TAFA2: variants seen among roughly 807,000 people sequenced by gnomAD.
TAFA2 encodes TAFA chemokine like family member 2.
In TAFA2, 7 loss-of-function variants were observed where a neutral mutation model predicts 18.8. The ratio of observed to expected loss-of-function variants is 0.37; its 90% CI spans 0.21 to 0.70. The LOEUF (loss-of-function observed/expected upper bound fraction) is 0.70. Ranked by LOEUF, TAFA2 falls within the 30% of genes least tolerant of loss-of-function variation. The pLI is 0.53. For synonymous variants in TAFA2, 60 were observed against 54.2 expected, an observed-to-expected ratio of 1.11 and a Z score of -0.47; for missense variants, 122 against 158.1, an observed-to-expected ratio of 0.77 and a Z score of 1.23.
chr12:62,239,599 G>C (rs1480457399), intron 1 of TAFA2, among the ~76,000 whole-genome samples: 1 of 152,120 alleles, frequency 6.6e-6, no homozygotes, highest in Non-Finnish European at 1.5e-5. Context: ...CTTCTACCTT[G>C]TTTTCTTGGG....
chr12:61,992,838 A>G (rs1009454899), intron 1 of TAFA2, among the ~76,000 whole-genome samples: 2 of 152,198 alleles, frequency 1.3e-5, no homozygotes, highest in Non-Finnish European at 2.9e-5. Flanking sequence ...AAATCAAGAA[A>G]AATGCCTTGT....
chr12:62,072,523 G>A (rs1450221869), intron 1 of TAFA2, among the ~76,000 whole-genome samples: 1 of 152,024 alleles, frequency 6.6e-6, no homozygotes, highest in Non-Finnish European at 1.5e-5. Context: ...TCTCATGCCT[G>A]TAATTCCAGC....
At chr12:61,782,623 C>T (rs933824877) in intron 2 of TAFA2, among the ~76,000 whole-genome samples, 1 of 151,732 alleles carries the variant, frequency 6.6e-6, no homozygotes, top group Non-Finnish European at 1.5e-5. Context: ...CCATTGTTCA[C>T]TCATAATTGT....
intron 2 of TAFA2, among the ~76,000 whole-genome samples, chr12:61,791,231 A>T (rs1870965355): frequency 6.6e-6 from 1 of 151,944 alleles, no homozygotes; most frequent in African/African-American, 2.4e-5. Context: ...CTTAAATATG[A>T]GACCTGAAAC....
At chr12:62,084,605 G>T (rs348676) in intron 1 of TAFA2, among the ~76,000 whole-genome samples, 1 of 151,940 alleles carries the variant, frequency 6.6e-6, no homozygotes, top group Non-Finnish European at 1.5e-5. Flanking sequence ...GCTCATTCAC[G>T]TCTGCTGATT....
At chr12:62,257,155 CAT>C (rs1442658711) in intron 1 of TAFA2, among the ~76,000 whole-genome samples, 1 of 2,500 alleles carries the variant, frequency 4.0e-4, no homozygotes, top group Non-Finnish European at 8.9e-4. Flanking sequence ...TATATATATA[CAT>C]ATATATGTGT....
chr12:61,984,578 G>T (rs886093457), intron 1 of TAFA2, among the ~76,000 whole-genome samples: 2 of 152,152 alleles, frequency 1.3e-5, no homozygotes, highest in African/African-American at 4.8e-5. Context: ...AAAAGAGGAG[G>T]TAGCCATGAG....
At chr12:61,726,250 TTTTTC>T (rs1024178482) in intron 4 of TAFA2, among the ~76,000 whole-genome samples, 3 of 151,922 alleles carry the variant, frequency 2.0e-5, no homozygotes, top group Non-Finnish European at 2.9e-5. Flanking sequence ...TTTTAGGATT[TTTTTC>T]TTCTAGTTAT....
intron 4 of TAFA2, among the ~76,000 whole-genome samples, chr12:61,719,873 T>A (rs915583161): frequency 1.3e-5 from 2 of 152,196 alleles, no homozygotes; most frequent in African/African-American, 4.8e-5. Flanking sequence ...GAGCATTCTC[T>A]CCGCTCCATC....
At chr12:62,247,542 G>A (rs769688914) in intron 1 of TAFA2, among the ~76,000 whole-genome samples, 1 of 152,064 alleles carries the variant, frequency 6.6e-6, no homozygotes, top group African/African-American at 2.4e-5. Flanking sequence ...GTACAAAACC[G>A]CATTTTTTTA....
intron 1 of TAFA2, among the ~76,000 whole-genome samples, chr12:61,911,846 G>A (rs1031834632): frequency 9.2e-5 from 14 of 152,172 alleles, no homozygotes; most frequent in East Asian, 1.9e-4. Context: ...GATGAAGGAA[G>A]TGAGCAATCA....
chr12:61,814,865 C>T (rs556573197), intron 2 of TAFA2, among the ~76,000 whole-genome samples: 1 of 151,472 alleles, frequency 6.6e-6, no homozygotes, highest in South Asian at 2.1e-4. Flanking sequence ...AAGCCACAAG[C>T]CAAGTAATGT....
At chr12:62,163,404 T>C (rs2062418899) in intron 1 of TAFA2, among the ~76,000 whole-genome samples, 2 of 152,160 alleles carry the variant, frequency 1.3e-5, no homozygotes, top group Admixed American at 1.3e-4. Context: ...TTTATCTCCA[T>C]AACAGCTAAC....
At chr12:61,751,027 T>C (rs1868988044) in intron 4 of TAFA2, among the ~76,000 whole-genome samples, 2 of 152,100 alleles carry the variant, frequency 1.3e-5, no homozygotes, top group Admixed American at 1.3e-4. Flanking sequence ...ATGATTAAAA[T>C]AATGACTCAA....
chr12:61,895,634 T>G (rs1253052215), intron 1 of TAFA2, among the ~76,000 whole-genome samples: 1 of 152,144 alleles, frequency 6.6e-6, no homozygotes, highest in African/African-American at 2.4e-5. Flanking sequence ...CCTTAACAGT[T>G]CAGATGTTTG....
chr12:61,725,130 A>G (rs940972206), intron 4 of TAFA2, among the ~76,000 whole-genome samples: 3 of 151,440 alleles, frequency 2.0e-5, no homozygotes, highest in African/African-American at 7.3e-5. Context: ...CCACTTTTTG[A>G]TGGGATTATT....
At chr12:61,879,395 C>T (rs1304273518) in intron 1 of TAFA2, 10 of 739,826 alleles carry the variant, frequency 1.4e-5, no homozygotes, top group East Asian at 8.9e-5. Flanking sequence ...GCTTCCTACA[C>T]GAGTGGTCCC....
chr12:61,854,916 T>A (rs1873821354), intron 2 of TAFA2, among the ~76,000 whole-genome samples: 3 of 152,138 alleles, frequency 2.0e-5, no homozygotes, highest in Non-Finnish European at 4.4e-5. Flanking sequence ...TGTATCATCA[T>A]ATGTAAGAGA....
At chr12:62,019,274 TC>T (rs1430205238) in intron 1 of TAFA2, among the ~76,000 whole-genome samples, 1 of 152,082 alleles carries the variant, frequency 6.6e-6, no homozygotes, top group Non-Finnish European at 1.5e-5. Flanking sequence ...TGGCGATTCC[TC>T]AGGGATCTAG....
Sources: allele counts gnomAD v4.1 joint callset (sites outside exome capture counted in the v4.1 genomes callset), GRCh38; gene constraint gnomAD v4.1.1; transcripts MANE v1.5; gene names NCBI Gene and HGNC (gene_info 2026-07-23, HGNC 2026-07-21).